The following ATOSA variants were observed in gnomAD, a reference collection of about 807,000 sequenced individuals.
The protein encoded by ATOSA is atos homolog A.
At chr15:52,674,660 A>C in the ATOSA span, among the ~76,000 whole-genome samples, 1 of 152,152 alleles carries the variant, frequency 6.6e-6, no homozygotes, top group Non-Finnish European at 1.5e-5. Flanking sequence ...ATATATTAAA[A>C]AATTATTAAT....
At chr15:52,678,033 AT>A in the ATOSA span, 1 of 1,613,954 alleles carries the variant, frequency 6.2e-7, no homozygotes, top group African/African-American at 1.3e-5. Context: ...TTCACATCCA[AT>A]TTTCGCCCAG....
the ATOSA span, among the ~76,000 whole-genome samples, chr15:52,664,712 G>A: frequency 2.0e-5 from 3 of 152,274 alleles, no homozygotes; most frequent in Admixed American, 6.5e-5. Flanking sequence ...GGAAGCTGAG[G>A]CAGGAGGACT....
At chr15:52,615,448 G>A in the ATOSA span, among the ~76,000 whole-genome samples, 2 of 152,074 alleles carry the variant, frequency 1.3e-5, no homozygotes, top group African/African-American at 4.8e-5. Context: ...TTATACCTCA[G>A]GTAATAGGAG....
chr15:52,635,042 T>C, the ATOSA span, among the ~76,000 whole-genome samples: 4 of 152,208 alleles, frequency 2.6e-5, no homozygotes, highest in Non-Finnish European at 5.9e-5. Flanking sequence ...AAAAGTGATA[T>C]TGCTAGTGAT....
At chr15:52,598,587 G>A in the ATOSA span, 2 of 152,122 alleles carry the variant, frequency 1.3e-5, no homozygotes, top group Non-Finnish European at 2.9e-5. Flanking sequence ...GTAATTTACT[G>A]AAGAAAACAT....
At chr15:52,676,069 TAA>T in the ATOSA span, among the ~76,000 whole-genome samples, 3 of 151,728 alleles carry the variant, frequency 2.0e-5, no homozygotes, top group Admixed American at 1.3e-4. Context: ...AAAATCAGAA[TAA>T]AAAAAGATAG....
At chr15:52,697,957 A>ATTTTTTTTTT in the ATOSA span, among the ~76,000 whole-genome samples, 20 of 44,782 alleles carry the variant, frequency 4.5e-4, 5 homozygotes, top group Non-Finnish European at 6.4e-4. Flanking sequence ...GGGATGTAGA[A>ATTTTTTTTTT]TTTTTTTTTT....
the ATOSA span, chr15:52,649,649 AAAC>A: frequency 6.6e-6 from 1 of 152,174 alleles, no homozygotes; most frequent in South Asian, 2.1e-4. Context: ...CATAAGCACA[AAAC>A]AATAGCCAAT....
the ATOSA span, chr15:52,590,776 G>C: frequency 6.6e-6 from 1 of 152,142 alleles, no homozygotes; most frequent in Non-Finnish European, 1.5e-5. Context: ...TGCATTCCTG[G>C]TAAGTAAACT....
the ATOSA span, among the ~76,000 whole-genome samples, chr15:52,673,761 T>C: frequency 1.3e-5 from 2 of 152,244 alleles, no homozygotes; most frequent in Non-Finnish European, 2.9e-5. Context: ...ACCTAATTGC[T>C]TTGCTACATT....
At chr15:52,599,841 A>C in the ATOSA span, among the ~76,000 whole-genome samples, 1 of 152,182 alleles carries the variant, frequency 6.6e-6, no homozygotes, top group Non-Finnish European at 1.5e-5. Flanking sequence ...CCAAGTAAGA[A>C]GATGTGGTCA....
the ATOSA span, among the ~76,000 whole-genome samples, chr15:52,690,068 T>TCC: frequency 1.3e-5 from 2 of 152,224 alleles, no homozygotes; most frequent in Non-Finnish European, 2.9e-5. Context: ...ATAAACAAGT[T>TCC]TGTAACAAAG....
At chr15:52,616,199 T>C in the ATOSA span, among the ~76,000 whole-genome samples, 3 of 152,076 alleles carry the variant, frequency 2.0e-5, no homozygotes, top group Admixed American at 6.5e-5. Flanking sequence ...AGTAGTTGAG[T>C]AGGGGTATGT....
chr15:52,635,909 T>C, the ATOSA span, among the ~76,000 whole-genome samples: 6 of 151,400 alleles, frequency 4.0e-5, no homozygotes, highest in African/African-American at 1.2e-4. Flanking sequence ...GGCAGGAGAA[T>C]TGCTTGAACC....
chr15:52,647,063 C>A, the ATOSA span, among the ~76,000 whole-genome samples: 1 of 152,142 alleles, frequency 6.6e-6, no homozygotes, highest in African/African-American at 2.4e-5. Context: ...CTTTTGTCAA[C>A]TGTAAGTAGT....
chr15:52,677,860 A>C, the ATOSA span: 2 of 1,148,926 alleles, frequency 1.7e-6, no homozygotes, highest in Non-Finnish European at 1.3e-6. Context: ...TCTCTACCTC[A>C]CCAGCTGGAA....
the ATOSA span, chr15:52,605,254 G>C: frequency 6.4e-7 from 1 of 1,552,192 alleles, no homozygotes; most frequent in Non-Finnish European, 8.7e-7. Flanking sequence ...CCTCTGTTAG[G>C]AAAATAATTA....
the ATOSA span, among the ~76,000 whole-genome samples, chr15:52,628,603 A>G: frequency 1.3e-5 from 2 of 152,210 alleles, no homozygotes; most frequent in Non-Finnish European, 2.9e-5. Context: ...AATGTGATAT[A>G]GTTTTTTAAA....
At chr15:52,643,547 T>C in the ATOSA span, among the ~76,000 whole-genome samples, 1 of 151,378 alleles carries the variant, frequency 6.6e-6, no homozygotes, top group East Asian at 1.9e-4. Flanking sequence ...CCTCACAAAG[T>C]GCTGGACTTA....
Sources: gnomAD v4.1 joint callset for allele counts (sites outside exome capture counted in the v4.1 genomes callset) on GRCh38, gnomAD v4.1.1 for gene constraint, MANE v1.5 for transcripts, NCBI Gene and HGNC (gene_info 2026-07-23, HGNC 2026-07-21) for gene names.